GRN: variants seen among roughly 807,000 people sequenced by gnomAD.
GRN encodes progranulin.
A neutral mutation model predicts 66.7 loss-of-function variants in GRN; 30 were observed. The observed-to-expected ratio is 0.45, with a 90% CI of 0.34 to 0.61. The LOEUF (loss-of-function observed/expected upper bound fraction) is 0.61. Among genes scored for constraint, GRN ranks in the 20% least tolerant of loss-of-function variants. The pLI is 0.01. For missense variants in GRN, 731 were observed against 803.5 expected, an observed-to-expected ratio of 0.91 and a Z score of 1.09; for synonymous variants, 327 against 311.1, an observed-to-expected ratio of 1.05 and a Z score of -0.54.
chr17:44,352,741 G>A lies in GRN; in HGVS notation c.1725G>A (p.Arg575=), dbSNP rs1335813995. The change falls in exon 13 of 13, where the codon AGG becomes AGA. Residue 575 remains arginine, a synonymous_variant. Transcript: ENST00000053867. ...CAARGTKCLR[R]EAPRWDAPLR... ...CCAGGGGTACCAAGTGTTTGCGCAG[G>A]GAGGCCCCGCGCTGGGACGCCCCTT... The A allele has an allele frequency of 3.1e-6, 5 of 1,611,682 alleles. No individual in the cohort carries two copies. The African/African-American group carries it at 6.7e-5, about 22-fold the overall frequency.
At position 44,351,675 on chromosome 17, in the gene GRN, C is replaced by A; in HGVS notation, c.1059C>A (p.Ser353Arg). 1 of 1,614,052 alleles carries A rather than the reference C, an allele frequency of 6.2e-7. No individual in the cohort carries two copies. Among genetic ancestry groups the A allele is most frequent in the Non-Finnish European group, 8.5e-7 (1 of 1,179,994 alleles). The change falls in exon 10 of 13, where the codon AGC becomes AGA. Residue 353 changes from serine to arginine, a missense_variant. Physicochemically the swap from Ser to Arg is moderately radical, Grantham distance 110. Transcript: ENST00000053867. ...TGGAGAAGGCCCCAGCTCACCTCAGCCTGCCAGACCCACAAGCCTTGAAGA... is the reference window on the plus strand; with the variant it reads ...TGGAGAAGGCCCCAGCTCACCTCAGACTGCCAGACCCACAAGCCTTGAAGA... ...PWMEKAPAHL[S>R]LPDPQALKRD...
Position 44,353,054 on chromosome 17 carries a change from G to T in GRN, c.*256G>T. 1.7e-6 allele frequency: 1 copy of T among 592,310 alleles called. No homozygotes were observed. The allele number at this position is 592,310 out of a possible 1,614,324, so 36.7% of individuals were successfully genotyped here. A position where few individuals can be genotyped will look rare whatever the true frequency, so the allele number is the denominator to read the frequency against. On this transcript the variant is annotated 3_prime_UTR_variant, in exon 13 of 13. Coordinates refer to ENST00000053867, the MANE Select transcript of GRN (RefSeq NM_002087.4). ...CAGGTGCTTTTCCCTATCCACAGGG[G>T]TGTTTGTGTGTGTGCGCGTGTGCGT...
chr17:44,349,158 GCAGA>G lies in GRN; in HGVS notation c.-5_-2del. The G allele has an allele frequency of 6.2e-7, 1 of 1,614,070 alleles. No homozygotes were observed. The highest frequency in any genetic ancestry group is 8.5e-7 in the Non-Finnish European group (1 of 1,180,014). On this transcript the variant is annotated splice_region_variant and 5_prime_UTR_variant, in exon 2 of 13. Transcript: ENST00000053867. ...CCAGACGTTCCTTGGTACTTTGCAG[GCAGA>G]CCATGTGGACCCTGGTGAGCTGGGT...
At position 44,350,430 on chromosome 17, in the gene GRN, AT is replaced by A; in HGVS notation, c.463-6del. 5 of 1,613,652 alleles carry A rather than the reference AT, an allele frequency of 3.1e-6. No homozygotes were observed. The highest frequency in any genetic ancestry group is 3.4e-6 in the Non-Finnish European group (4 of 1,179,916). On this transcript the variant is annotated splice_polypyrimidine_tract_variant and intron_variant, in intron 5 of 12. Coordinates refer to ENST00000053867, the MANE Select transcript of GRN (RefSeq NM_002087.4). ...AGGGGGTGAAGACGGAGTCAGGACC[AT>A]TTTTTCTCAGGCTTCCTGCTGTGAA...
In GRN at chr17:44,352,928, AGG is replaced by A; in HGVS notation, c.*131_*132del. 1 of 893,368 alleles carries A rather than the reference AGG, an allele frequency of 1.1e-6. No homozygotes were observed. The highest frequency in any genetic ancestry group is 1.8e-6 in the Non-Finnish European group (1 of 563,198). 55.3% of individuals were successfully genotyped at this position (893,368 alleles called of 1,614,324 possible). A position where few individuals can be genotyped will look rare whatever the true frequency, so the allele number is the denominator to read the frequency against. On this transcript the variant is annotated 3_prime_UTR_variant, in exon 13 of 13. Coordinates refer to ENST00000053867, the MANE Select transcript of GRN (RefSeq NM_002087.4). ...ATTCTGAGCTCCCCATCACCATGGGAGGTGGGGCCTCAATCTAAGGCCTTCCC... is the reference window on the plus strand; with the variant it reads ...ATTCTGAGCTCCCCATCACCATGGGATGGGGCCTCAATCTAAGGCCTTCCC...
intron 4 of GRN, 21 bp from the exon 5 acceptor site, chr17:44,350,207 C>T: frequency 6.5e-7 from 1 of 1,549,166 alleles, no homozygotes. Context: ...CTGGTAGTAT[C>T]CTGGGTCATC....
Position 44,350,293 on chromosome 17 carries a change from T to C in GRN, c.415T>C (p.Cys139Arg), listed in dbSNP as rs763841075. 229 of 1,612,904 alleles carry C rather than the reference T, an allele frequency of 1.4e-4. No individual in the cohort carries two copies. In the Middle Eastern group the frequency reaches 3.9e-3, roughly 28 times the overall value. Residue 139 changes from cysteine (C) to arginine (R), a missense_variant, in exon 5 of 13, where the codon TGC becomes CGC. Coordinates refer to ENST00000053867, the MANE Select transcript of GRN (RefSeq NM_002087.4). ...GTTCGAATGCCCGGACTTCTCCACG[T>C]GCTGTGTTATGGTCGATGGCTCCTG... The part of the protein sequence containing the change: ...SQFECPDFST[C>R]CVMVDGSWGC...
Position 44,353,070 on chromosome 17 carries a change from G to C in GRN, c.*272G>C, listed in dbSNP as rs1024289551. 5 of 580,462 alleles carry C rather than the reference G, an allele frequency of 8.6e-6. No homozygotes were observed. Among genetic ancestry groups the C allele is most frequent in the Non-Finnish European group, 1.5e-5 (5 of 324,092 alleles). The allele number at this position is 580,462 out of a possible 1,614,324, so 36.0% of individuals were successfully genotyped here. A position where few individuals can be genotyped will look rare whatever the true frequency, so the allele number is the denominator to read the frequency against. ...TCCACAGGGGTGTTTGTGTGTGTGC[G>C]CGTGTGCGTTTCAATAAAGTTTGTA... is the stretch of plus-strand genomic sequence containing the variant. On this transcript the variant is annotated 3_prime_UTR_variant, in exon 13 of 13. Transcript: ENST00000053867.
chr17:44,349,733 T>C lies in GRN; in HGVS notation c.331T>C (p.Ser111Pro). ...CTTCCACTGCAGTGCAGACGGGCGA[T>C]CCTGCTTCCAAAGATCAGGTGCAGC... ...RGFHCSADGR[S>P]CFQRSGNNSV... The change falls in exon 4 of 13, where the codon TCC becomes CCC. Residue 111 changes from serine (S) to proline (P), a missense_variant. By Grantham distance (74) the Ser-to-Pro change is moderately conservative. Transcript: ENST00000053867. 6.2e-7 allele frequency: 1 copy of C among 1,609,650 alleles called. No homozygotes were observed. The highest frequency in any genetic ancestry group is 8.5e-7 in the Non-Finnish European group (1 of 1,176,196).
rs767386125 is a variant in GRN at position 44,352,379 on chromosome 17, T to G, written c.1452T>G (p.Ala484=). 2 of 1,613,876 alleles carry G rather than the reference T, an allele frequency of 1.2e-6. No homozygotes were observed. The highest frequency in any genetic ancestry group is 2.2e-5 in the South Asian group (2 of 91,084). Reference sequence around the variant, plus strand: ...AGGATCGCCAGCACTGCTGCCCGGCTGGCTACACCTGCAACGTGAAGGCTC... The same window carrying G: ...AGGATCGCCAGCACTGCTGCCCGGCGGGCTACACCTGCAACGTGAAGGCTC... ...CCEDRQHCCP[A]GYTCNVKARS... is the part of the protein sequence containing the mutation. Residue 484 remains alanine, a synonymous_variant, in exon 12 of 13, where the codon GCT becomes GCG. Coordinates refer to ENST00000053867, the MANE Select transcript of GRN (RefSeq NM_002087.4).
chr17:44,350,336 C>T lies in GRN; in HGVS notation c.458C>T (p.Pro153Leu), dbSNP rs1448746342. The T allele has an allele frequency of 6.2e-7, 1 of 1,612,358 alleles. No homozygotes were observed. The highest frequency in any genetic ancestry group is 8.5e-7 in the Non-Finnish European group (1 of 1,179,150). ...GGCTCCTGGGGGTGCTGCCCCATGC[C>T]CCAGGTACAAATCTGGGGGAGATGG... ...VDGSWGCCPMPQASCCEDRVH... is the reference protein window; with the variant it reads ...VDGSWGCCPMLQASCCEDRVH... The change falls in exon 5 of 13, where the codon CCC (proline) becomes CTC (leucine). Residue 153 changes from proline (P) to leucine (L), a missense_variant. Transcript: ENST00000053867.
rs774067739 is a variant in GRN, at chr17:44,350,469, T to C, written c.490T>C (p.Cys164Arg). Residue 164 changes from cysteine (C) to arginine (R), a missense_variant, in exon 6 of 13, where the codon TGC becomes CGC. Coordinates refer to ENST00000053867, the MANE Select transcript of GRN (RefSeq NM_002087.4). ...QASCCEDRVHCCPHGAFCDLV... is the reference protein window; with the variant it reads ...QASCCEDRVHRCPHGAFCDLV... Reference sequence around the variant, plus strand: ...TTCCTGCTGTGAAGACAGGGTGCACTGCTGTCCGCACGGTGCCTTCTGCGA... The same window carrying C: ...TTCCTGCTGTGAAGACAGGGTGCACCGCTGTCCGCACGGTGCCTTCTGCGA... 1 of 1,613,718 alleles carries C rather than the reference T, an allele frequency of 6.2e-7. No individual in the cohort carries two copies. The highest frequency in any genetic ancestry group is 2.2e-5 in the East Asian group (1 of 44,880).
chr17:44,352,387 C>A lies in GRN; in HGVS notation c.1460C>A (p.Thr487Asn), dbSNP rs772784579. Residue 487 changes from threonine (T) to asparagine (N), a missense_variant, in exon 12 of 13, where the codon ACC (threonine) becomes AAC (asparagine). Coordinates refer to ENST00000053867, the MANE Select transcript of GRN (RefSeq NM_002087.4). ...DRQHCCPAGYTCNVKARSCEK... is the reference protein window; with the variant it reads ...DRQHCCPAGYNCNVKARSCEK... ...CAGCACTGCTGCCCGGCTGGCTACA[C>A]CTGCAACGTGAAGGCTCGATCCTGC... 2.5e-6 allele frequency: 4 copies of A among 1,613,966 alleles called. No homozygotes were observed. The highest frequency in any genetic ancestry group is 3.4e-6 in the Non-Finnish European group (4 of 1,180,032).
At chr17:44,347,953 G>C (rs904757476) in intron 1 of GRN, among the ~76,000 whole-genome samples, 1 of 144,044 alleles carries the variant, frequency 6.9e-6, no homozygotes, top group African/African-American at 2.5e-5. Flanking sequence ...AAGGGGGTGA[G>C]CAGACGTGGT....
intron 8 of GRN, 25 bp from the exon 9 acceptor site, chr17:44,351,333 TCTGAC>T (rs765408713): frequency 6.3e-7 from 1 of 1,582,586 alleles, no homozygotes; most frequent in African/African-American, 1.3e-5. Context: ...CAGTGCCACT[TCTGAC>T]CTGTCCTCTC....
At chr17:44,349,355 G>C (rs749422874) in intron 2 of GRN, 53 bp downstream of exon 2, 17 of 1,613,980 alleles carry the variant, frequency 1.1e-5, no homozygotes, top group Non-Finnish European at 1.4e-5. Context: ...TTCCCAAAGG[G>C]TCATCTTGGA....
rs768297331 is a variant in GRN, at chr17:44,352,679, C to T, written c.1663C>T (p.Arg555Trp). The T allele has an allele frequency of 2.6e-5, 42 of 1,610,026 alleles. No individual in the cohort carries two copies. The highest frequency in any genetic ancestry group is 2.3e-4 in the South Asian group (21 of 91,084). Reference sequence around the variant, plus strand: ...CATCCAGGGCGTCTGTTGTGCTGATCGGCGCCACTGCTGTCCTGCTGGCTT... The same window carrying T: ...CATCCAGGGCGTCTGTTGTGCTGATTGGCGCCACTGCTGTCCTGCTGGCTT... ...PYRQGVCCAD[R>W]RHCCPAGFRC... Residue 555 changes from arginine (R) to tryptophan (W), a missense_variant, in exon 13 of 13, where the codon CGG becomes TGG. Transcript: ENST00000053867.
At position 44,351,576 on chromosome 17, in the gene GRN, C is replaced by T; in HGVS notation, c.960C>T (p.His320=). The change falls in exon 10 of 13, where the codon CAC becomes CAT. Residue 320 remains histidine, a synonymous_variant. Coordinates refer to ENST00000053867, the MANE Select transcript of GRN (RefSeq NM_002087.4). Reference sequence around the variant, plus strand: ...CTGTGTGCTGTGAGGACCACATACACTGCTGTCCCGCGGGGTTTACGTGTG... The same window carrying T: ...CTGTGTGCTGTGAGGACCACATACATTGCTGTCCCGCGGGGTTTACGTGTG... ...TQAVCCEDHI[H]CCPAGFTCDT... 2 of 1,614,060 alleles carry T rather than the reference C, an allele frequency of 1.2e-6. No homozygotes were observed. Among genetic ancestry groups the T allele is most frequent in the African/African-American group, 1.3e-5 (1 of 75,042 alleles).
intron 7 of GRN, 27 bp from the exon 8 acceptor site, chr17:44,351,010 C>CA (rs1485371823): frequency 1.2e-6 from 2 of 1,611,784 alleles, no homozygotes; most frequent in East Asian, 4.5e-5. Context: ...CTGGAAGTGA[C>CA]AAAGACCCAC....
Sources: gnomAD v4.1 joint callset for allele counts (sites outside exome capture counted in the v4.1 genomes callset) on GRCh38, gnomAD v4.1.1 for gene constraint, MANE v1.5 for transcripts, NCBI Gene and HGNC (gene_info 2026-07-23, HGNC 2026-07-21) for gene names.